MLLT3: variants seen among roughly 807,000 people sequenced by gnomAD.
The protein encoded by MLLT3 is MLLT3 super elongation complex subunit, also known as protein AF-9.
In MLLT3, 4 loss-of-function variants were observed where a neutral mutation model predicts 53.2. The ratio of observed to expected loss-of-function variants is 0.08; its 90% CI spans 0.04 to 0.17. MLLT3 has a LOEUF of 0.17. MLLT3 is among the 10% of genes least tolerant of loss of function. The probability of loss-of-function intolerance (pLI) is 1.00; values close to 1 mark genes in which losing one functional copy is unlikely to be tolerated. For missense variants in MLLT3, 569 were observed against 684.0 expected (o/e 0.83, Z 1.87); for synonymous variants, 283 against 230.6 (o/e 1.23, Z -2.06).
intron 4 of MLLT3, among the ~76,000 whole-genome samples, chr9:20,421,913 G>C (rs1224627763): frequency 6.6e-6 from 1 of 151,608 alleles, no homozygotes; most frequent in East Asian, 1.9e-4. Context: ...AGGATTTTTA[G>C]CAAGATATGA....
intron 4 of MLLT3, among the ~76,000 whole-genome samples, chr9:20,421,247 G>C (rs1054446811): frequency 1.3e-5 from 2 of 152,064 alleles, no homozygotes; most frequent in East Asian, 3.9e-4. Flanking sequence ...CTGGGCAATA[G>C]AGCAAGACTC....
chr9:20,562,696 T>C (rs1819247099), intron 2 of MLLT3, among the ~76,000 whole-genome samples: 1 of 152,196 alleles, frequency 6.6e-6, no homozygotes, highest in Non-Finnish European at 1.5e-5. Context: ...GATGACCAGG[T>C]AGAAATAATT....
intron 4 of MLLT3, among the ~76,000 whole-genome samples, chr9:20,446,621 T>C (rs959967392): frequency 1.3e-5 from 2 of 152,180 alleles, no homozygotes; most frequent in African/African-American, 4.8e-5. Context: ...CCAAGAGAGA[T>C]AATCAGAAAT....
Position 20,343,427 on chromosome 9 carries a change from TATTAAG to T in MLLT3, c.*3010_*3015del, listed in dbSNP as rs1667146104. The T allele has an allele frequency of 4.5e-6, 1 of 220,002 alleles. No homozygotes were observed. Among genetic ancestry groups the T allele is most frequent in the Admixed American group, 5.8e-5 (1 of 17,268 alleles). The allele number at this position is 220,002 out of a possible 1,614,324, so 13.6% of individuals were successfully genotyped here. A position where few individuals can be genotyped will look rare whatever the true frequency, so the allele number is the denominator to read the frequency against. On this transcript the variant is annotated 3_prime_UTR_variant, in exon 11 of 11. Coordinates refer to ENST00000380338, the MANE Select transcript of MLLT3 (RefSeq NM_004529.4). ...ATTTATAGACATACCTATTTGTCTG[TATTAAG>T]ATTGAGAGAGAGGCAGATTATGCTG...
At position 20,528,803 on chromosome 9, in the gene MLLT3, A is replaced by G. The variant is rs79475935; in HGVS notation, c.194-72017T>C. Reference sequence around the variant, plus strand: ...CATCTGCAAGGATCCTTTTTCCAATAAGGTAAAATTTACAGGTTCCAGGTA... The same window carrying G: ...CATCTGCAAGGATCCTTTTTCCAATGAGGTAAAATTTACAGGTTCCAGGTA... On this transcript the variant is annotated intron_variant, in intron 2 of 10. Transcript: ENST00000380338. 7.6e-4 allele frequency among the ~76,000 whole-genome samples: 116 copies of G among 152,310 alleles called. 1 individual carries two copies. The East Asian group carries it at 0.022, about 29-fold the overall frequency.
chr9:20,508,755 AAAAT>A (rs1359612113), intron 2 of MLLT3, among the ~76,000 whole-genome samples: 2 of 152,226 alleles, frequency 1.3e-5, no homozygotes, highest in Non-Finnish European at 2.9e-5. Context: ...ATGGAAGTAT[AAAAT>A]AAGTATCTAT....
chr9:20,367,416 T>C (rs1251869543), intron 5 of MLLT3, among the ~76,000 whole-genome samples: 1 of 152,214 alleles, frequency 6.6e-6, no homozygotes, highest in Non-Finnish European at 1.5e-5. Context: ...GTAATCCTCT[T>C]GTACTTAGCA....
At chr9:20,525,295 G>T (rs1374314690) in intron 2 of MLLT3, among the ~76,000 whole-genome samples, 10 of 152,138 alleles carry the variant, frequency 6.6e-5, no homozygotes, top group Non-Finnish European at 1.5e-4. Flanking sequence ...TCAGGAGTTT[G>T]AGACCAGTCT....
intron 4 of MLLT3, among the ~76,000 whole-genome samples, chr9:20,423,561 C>T (rs927690833): frequency 1.3e-5 from 2 of 151,836 alleles, no homozygotes; most frequent in African/African-American, 2.4e-5. Context: ...ACCTGTAATC[C>T]CTGCATTTAG....
chr9:20,347,462 A>G (rs2118584717), intron 10 of MLLT3, among the ~76,000 whole-genome samples: 1 of 152,266 alleles, frequency 6.6e-6, no homozygotes, highest in East Asian at 1.9e-4. Flanking sequence ...CAACTTTCAG[A>G]AAAATGTTAA....
chr9:20,577,257 C>G (rs1283829675), intron 2 of MLLT3, among the ~76,000 whole-genome samples: 1 of 152,054 alleles, frequency 6.6e-6, no homozygotes, highest in East Asian at 1.9e-4. Flanking sequence ...TTTTAAGGCC[C>G]TGAATGTTCA....
chr9:20,385,357 T>G (rs1326128454), intron 5 of MLLT3, among the ~76,000 whole-genome samples: 1 of 152,154 alleles, frequency 6.6e-6, no homozygotes. Context: ...CCAGTTGATT[T>G]ACTTAAGGAG....
chr9:20,372,017 G>C (rs146911678), intron 5 of MLLT3, among the ~76,000 whole-genome samples: 1 of 152,320 alleles, frequency 6.6e-6, no homozygotes, highest in African/African-American at 2.4e-5. Context: ...AGGGGTTCAA[G>C]ACTTTAGTGG....
chr9:20,529,092 T>C (rs1818267331), intron 2 of MLLT3, among the ~76,000 whole-genome samples: 1 of 152,190 alleles, frequency 6.6e-6, no homozygotes, highest in South Asian at 2.1e-4. Flanking sequence ...ATTAAAATCA[T>C]CTTGGGACAT....
chr9:20,547,946 T>G (rs1393559670), intron 2 of MLLT3, among the ~76,000 whole-genome samples: 1 of 152,190 alleles, frequency 6.6e-6, no homozygotes, highest in African/African-American at 2.4e-5. Flanking sequence ...AGCAAGATCT[T>G]ATCTCAAAAA....
intron 5 of MLLT3, among the ~76,000 whole-genome samples, chr9:20,374,743 T>A (rs1183192448): frequency 6.6e-6 from 1 of 152,212 alleles, no homozygotes; most frequent in African/African-American, 2.4e-5. Context: ...TCTAACCTCA[T>A]AATGTATTTT....
At chr9:20,580,522 GT>G (rs1482836932) in intron 2 of MLLT3, among the ~76,000 whole-genome samples, 1 of 152,080 alleles carries the variant, frequency 6.6e-6, no homozygotes, top group Non-Finnish European at 1.5e-5. Context: ...CTCTTGGACA[GT>G]TTTTTTAATC....
At chr9:20,415,424 G>A in intron 4 of MLLT3, 1 of 952,332 alleles carries the variant, frequency 1.1e-6, no homozygotes, top group Non-Finnish European at 1.3e-6. Flanking sequence ...CAAAATCTAA[G>A]TCCATACTTA....
intron 2 of MLLT3, among the ~76,000 whole-genome samples, chr9:20,533,872 T>C (rs993064163): frequency 8.5e-5 from 13 of 152,190 alleles, no homozygotes; most frequent in African/African-American, 2.9e-4. Context: ...AGAAAGGTTG[T>C]TGCCAGGAGC....
Sources: gnomAD v4.1 joint callset for allele counts (sites outside exome capture counted in the v4.1 genomes callset) on GRCh38, gnomAD v4.1.1 for gene constraint, MANE v1.5 for transcripts, NCBI Gene and HGNC (gene_info 2026-07-23, HGNC 2026-07-21) for gene names.